The following MRAP2 variants were observed in gnomAD, a reference collection of about 807,000 sequenced individuals.
MRAP2 encodes the protein melanocortin 2 receptor accessory protein 2.
In MRAP2, 20 loss-of-function variants were observed where a neutral mutation model predicts 17.4. That is an observed-to-expected ratio of 1.15 (90% confidence interval 0.81 to 1.67). The LOEUF is 1.67. MRAP2 is among the 40% of genes most tolerant of loss of function. The pLI, the probability that MRAP2 is intolerant of heterozygous loss-of-function variation, is 0.00. For missense variants in MRAP2, 238 were observed against 240.0 expected, an observed-to-expected ratio of 0.99 and a Z score of 0.05; for synonymous variants, 96 against 88.4, an observed-to-expected ratio of 1.09 and a Z score of -0.48.
chr6:84,069,816 C>T (rs988153635), intron 3 of MRAP2, among the ~76,000 whole-genome samples: 1 of 152,058 alleles, frequency 6.6e-6, no homozygotes, highest in Non-Finnish European at 1.5e-5. Flanking sequence ...CTGATTTAAG[C>T]TAGGAGGGTT....
chr6:84,127,233 T>C, the MRAP2 span, among the ~76,000 whole-genome samples: 8 of 152,144 alleles, frequency 5.3e-5, no homozygotes, highest in African/African-American at 1.9e-4. Flanking sequence ...GCTAATTGTT[T>C]ACATCAAAAG....
chr6:84,136,138 T>C, the MRAP2 span, among the ~76,000 whole-genome samples: 1 of 152,180 alleles, frequency 6.6e-6, no homozygotes, highest in Non-Finnish European at 1.5e-5. Context: ...TAAATTCTGA[T>C]CAGTTTTACT....
the MRAP2 span, among the ~76,000 whole-genome samples, chr6:84,100,655 C>CA: frequency 6.6e-6 from 1 of 152,078 alleles, no homozygotes; most frequent in Non-Finnish European, 1.5e-5. Flanking sequence ...CTATATTTTT[C>CA]AAAAAATGTG....
rs2099491392 is a variant in MRAP2 at position 84,055,258 on chromosome 6, T to C, written c.-7-54T>C. ...CGATCAAGAGTAATTAAGGTAACTG[T>C]GCAGCTCTGGATGAATTAACAGGTT... On this transcript the variant is annotated intron_variant, in intron 1 of 3. Transcript: ENST00000257776. 2.5e-5 allele frequency: 40 copies of C among 1,569,496 alleles called. 1 individual carries two copies. The South Asian group carries it at 4.7e-4, about 18-fold the overall frequency.
intron 1 of MRAP2, among the ~76,000 whole-genome samples, chr6:84,051,168 C>T (rs965316978): frequency 2.0e-5 from 3 of 152,222 alleles, no homozygotes; most frequent in African/African-American, 7.2e-5. Context: ...GGGATATTGA[C>T]ACAAAGACAT....
intron 1 of MRAP2, among the ~76,000 whole-genome samples, chr6:84,047,024 G>A (rs1409586483): frequency 6.6e-6 from 1 of 151,592 alleles, no homozygotes; most frequent in Non-Finnish European, 1.5e-5. Flanking sequence ...GGTGGACCAG[G>A]GAGGAAGGAT....
rs556323763 is a variant in MRAP2, at chr6:84,055,413, C to T, written c.95C>T (p.Pro32Leu). 3 of 1,612,650 alleles carry T rather than the reference C, an allele frequency of 1.9e-6. No homozygotes were observed. In the Admixed American group the frequency reaches 5.0e-5, roughly 27 times the overall value. Residue 32 changes from proline (P) to leucine (L), a missense_variant, in exon 2 of 4, where the codon CCA becomes CTA. By Grantham distance (98) the Pro-to-Leu change is moderately conservative (BLOSUM62 -3). Transcript: ENST00000257776. The part of the protein sequence containing the change: ...TWEYEYYEIG[P>L]VSFEGLKAHK... Reference sequence around the variant, plus strand: ...GAATATGAATATTATGAGATTGGACCAGTTTCCTTTGAAGGACTGAAGGCT... The same window carrying T: ...GAATATGAATATTATGAGATTGGACTAGTTTCCTTTGAAGGACTGAAGGCT...
chr6:84,125,255 C>A, the MRAP2 span: 1 of 1,613,334 alleles, frequency 6.2e-7, no homozygotes, highest in Non-Finnish European at 8.5e-7. Context: ...GTTTCTACTA[C>A]TTGGTGTGTT....
At chr6:84,133,232 A>G in the MRAP2 span, among the ~76,000 whole-genome samples, 1 of 152,162 alleles carries the variant, frequency 6.6e-6, no homozygotes, top group East Asian at 1.9e-4. Flanking sequence ...GCTTTGTCTC[A>G]GAGGGGCACC....
the MRAP2 span, among the ~76,000 whole-genome samples, chr6:84,134,898 C>T: frequency 6.8e-6 from 1 of 146,800 alleles, no homozygotes; most frequent in Non-Finnish European, 1.5e-5. Context: ...AAGATATATA[C>T]TGTCATGAAA....
the MRAP2 span, among the ~76,000 whole-genome samples, chr6:84,143,315 C>A: frequency 6.3e-3 from 955 of 152,022 alleles, 4 homozygotes; most frequent in African/African-American, 0.022. Context: ...TGATGTTAAT[C>A]TACAAAATGT....
At chr6:84,143,884 A>G in the MRAP2 span, among the ~76,000 whole-genome samples, 1 of 151,976 alleles carries the variant, frequency 6.6e-6, no homozygotes, top group Non-Finnish European at 1.5e-5. Context: ...TTTTAGTAAA[A>G]TAACTTCCTG....
chr6:84,144,679 G>A, the MRAP2 span, among the ~76,000 whole-genome samples: 1 of 152,052 alleles, frequency 6.6e-6, no homozygotes, highest in Admixed American at 6.6e-5. Context: ...GTTCACAGAA[G>A]TGCTAACCCA....
the MRAP2 span, among the ~76,000 whole-genome samples, chr6:84,109,624 T>A: frequency 6.6e-6 from 1 of 152,148 alleles, no homozygotes; most frequent in Admixed American, 6.5e-5. Context: ...TATTGTACTT[T>A]AAGTTCTGGG....
At chr6:84,033,663 C>T (rs981458204), upstream of MRAP2, 177 of 984,700 alleles carry the variant, frequency 1.8e-4, no homozygotes, top group African/African-American at 3.0e-3. Flanking sequence ...GGAGGCGGCT[C>T]TCGCGCTGGG....
At chr6:84,123,957 G>GA in the MRAP2 span, among the ~76,000 whole-genome samples, 1 of 152,030 alleles carries the variant, frequency 6.6e-6, no homozygotes. Context: ...ACAAACACGT[G>GA]AAAAAGTGGT....
chr6:84,062,948 T>C lies in MRAP2; in HGVS notation c.183T>C (p.Phe61=). Residue 61 remains phenylalanine (F), a synonymous_variant, in exon 3 of 4, where the codon TTT becomes TTC. Coordinates refer to ENST00000257776, the MANE Select transcript of MRAP2 (RefSeq NM_138409.4). ...TTGCAGTCTTCGTGATTTTTATGTT[T>C]TTTGTGCTGACCTTGCTGACCAAGA... The part of the protein sequence containing the change: ...VGLAVFVIFM[F]FVLTLLTKTG... 6 of 1,614,210 alleles carry C rather than the reference T, an allele frequency of 3.7e-6. No individual in the cohort carries two copies. Among genetic ancestry groups the C allele is most frequent in the Non-Finnish European group, 4.2e-6 (5 of 1,180,030 alleles).
rs774175768 is a variant in MRAP2 at position 84,089,366 on chromosome 6, A to G, written c.503A>G (p.Asn168Ser). The change falls in exon 4 of 4, where the codon AAC becomes AGC. Residue 168 changes from asparagine to serine, a missense_variant. Asn to Ser is a conservative substitution (Grantham distance 46, BLOSUM62 1). Transcript: ENST00000257776. ...AGGCTCATGAAGTTTGACATCCCCA[A>G]CTTTGTGAACACAGACCAGAACTAC... The part of the protein sequence containing the change: ...LNRLMKFDIP[N>S]FVNTDQNYFG... The G allele has an allele frequency of 2.5e-6, 4 of 1,614,158 alleles. No homozygotes were observed. In the East Asian group the frequency reaches 8.9e-5, roughly 36 times the overall value.
chr6:84,116,276 C>G, the MRAP2 span, among the ~76,000 whole-genome samples: 1 of 151,992 alleles, frequency 6.6e-6, no homozygotes, highest in South Asian at 2.1e-4. Flanking sequence ...TGTGAGGGAC[C>G]TGGTGGGAGG....
Sources: gnomAD v4.1 joint callset for allele counts (sites outside exome capture counted in the v4.1 genomes callset) on GRCh38, gnomAD v4.1.1 for gene constraint, MANE v1.5 for transcripts, NCBI Gene and HGNC (gene_info 2026-07-23, HGNC 2026-07-21) for gene names.